The following PDIA5 variants were observed in gnomAD, a reference collection of about 807,000 sequenced individuals.
PDIA5 encodes protein disulfide isomerase family A member 5.
Under a neutral mutation model 77.6 loss-of-function variants are expected in PDIA5, and 58 were observed. The ratio of observed to expected loss-of-function variants is 0.75; its 90% confidence interval spans 0.61 to 0.93. The LOEUF (loss-of-function observed/expected upper bound fraction) is 0.93. Ranked by LOEUF, PDIA5 falls within the 40% of genes least tolerant of loss-of-function variation. PDIA5 has a pLI of 0.00. For missense variants in PDIA5, 630 were observed against 647.7 expected (o/e 0.97, Z 0.30); for synonymous variants, 250 against 252.1 (o/e 0.99, Z 0.08).
intron 13 of PDIA5, among the ~76,000 whole-genome samples, chr3:123,149,870 T>C (rs1262793506): frequency 2.0e-5 from 3 of 152,072 alleles, no homozygotes; most frequent in Non-Finnish European, 4.4e-5. Flanking sequence ...AACGATCATG[T>C]AGGGTCCTAG....
At chr3:123,135,095 C>G (rs1250417195) in intron 11 of PDIA5, among the ~76,000 whole-genome samples, 1 of 152,186 alleles carries the variant, frequency 6.6e-6, no homozygotes, top group Admixed American at 6.5e-5. Flanking sequence ...TGCTGCCACC[C>G]GTGGCACCTT....
chr3:123,155,145 C>A, intron 15 of PDIA5, 104 bp downstream of exon 15: 1 of 801,256 alleles, frequency 1.2e-6, no homozygotes, highest in Non-Finnish European at 2.2e-6. Flanking sequence ...TCTGCTAAGA[C>A]CTGTAAGCAG....
intron 7 of PDIA5, among the ~76,000 whole-genome samples, chr3:123,116,028 C>T (rs565891341): frequency 2.8e-4 from 43 of 152,362 alleles, no homozygotes; most frequent in Admixed American, 1.8e-3. Flanking sequence ...CCTTGTTTTG[C>T]ACCACTGATA....
chr3:123,148,204 T>C (rs1935811513), intron 13 of PDIA5, among the ~76,000 whole-genome samples: 1 of 152,082 alleles, frequency 6.6e-6, no homozygotes, highest in South Asian at 2.1e-4. Context: ...CCCCATAGAC[T>C]TGTCTAGGGA....
chr3:123,094,422 T>C (rs1435453991), intron 3 of PDIA5, among the ~76,000 whole-genome samples: 2 of 152,228 alleles, frequency 1.3e-5, no homozygotes, highest in African/African-American at 4.8e-5. Context: ...TGTAGGCCAC[T>C]CTAGGCGGCA....
intron 1 of PDIA5, among the ~76,000 whole-genome samples, chr3:123,083,875 G>A (rs952375049): frequency 6.6e-6 from 1 of 152,156 alleles, no homozygotes; most frequent in Non-Finnish European, 1.5e-5. Context: ...TGAAGTGGAG[G>A]AGAAAGGAGA....
chr3:123,108,789 G>A (rs1199158897), intron 6 of PDIA5, among the ~76,000 whole-genome samples: 1 of 152,002 alleles, frequency 6.6e-6, no homozygotes, highest in Non-Finnish European at 1.5e-5. Context: ...GGGAGACTGA[G>A]GCAGGAGAAT....
intron 1 of PDIA5, among the ~76,000 whole-genome samples, chr3:123,072,709 C>T (rs1021146131): frequency 6.6e-6 from 1 of 152,174 alleles, no homozygotes; most frequent in African/African-American, 2.4e-5. Flanking sequence ...ATGAAGACAC[C>T]AAACACACTG....
At chr3:123,147,010 C>T (rs1373716069) in intron 13 of PDIA5, among the ~76,000 whole-genome samples, 1 of 152,056 alleles carries the variant, frequency 6.6e-6, no homozygotes, top group Non-Finnish European at 1.5e-5. Flanking sequence ...GGGGTTTCAC[C>T]ATGTTGCCCA....
chr3:123,105,921 A>G (rs1464269250), intron 5 of PDIA5, among the ~76,000 whole-genome samples: 1 of 152,226 alleles, frequency 6.6e-6, no homozygotes, highest in East Asian at 1.9e-4. Context: ...GCCCTGGACC[A>G]GTGAGAGTGG....
intron 8 of PDIA5, among the ~76,000 whole-genome samples, chr3:123,117,374 TTA>T (rs370968904): frequency 0.02 from 1,597 of 79,876 alleles, 139 homozygotes; most frequent in African/African-American, 0.073. Flanking sequence ...TTCTATGATT[TTA>T]TATATATATA....
chr3:123,145,660 A>G, intron 12 of PDIA5, 68 bp downstream of exon 12: 2 of 1,375,620 alleles, frequency 1.5e-6, no homozygotes. Flanking sequence ...AATCATTATG[A>G]CTTTCCCCTG....
chr3:123,152,123 T>TTCCTTCCTG (rs1935928648), intron 14 of PDIA5, among the ~76,000 whole-genome samples: 2 of 91,488 alleles, frequency 2.2e-5, no homozygotes, highest in Non-Finnish European at 4.4e-5. Flanking sequence ...CTTCCTTCCT[T>TTCCTTCCTG]CCTGCCTTCC....
At chr3:123,068,101 T>C (rs1198969234) in intron 1 of PDIA5, among the ~76,000 whole-genome samples, 1 of 152,080 alleles carries the variant, frequency 6.6e-6, no homozygotes, top group African/African-American at 2.4e-5. Flanking sequence ...TGATGAGATA[T>C]TGTGGCCTCC....
intron 13 of PDIA5, among the ~76,000 whole-genome samples, chr3:123,147,509 G>A (rs1004027599): frequency 6.6e-6 from 1 of 152,126 alleles, no homozygotes; most frequent in Non-Finnish European, 1.5e-5. Flanking sequence ...TATTCAGGAA[G>A]TGTGAATGGG....
In PDIA5 at chr3:123,102,325, T is replaced by C. The variant is rs1387029304; in HGVS notation, c.258-86T>C. 1.2e-5 allele frequency: 12 copies of C among 985,706 alleles called. No individual in the cohort carries two copies. The Admixed American group carries it at 2.1e-4, about 17-fold the overall frequency. 61.1% of individuals were successfully genotyped at this position (985,706 alleles called of 1,614,324 possible). A position where few individuals can be genotyped will look rare whatever the true frequency, so the allele number is the denominator to read the frequency against. On this transcript the variant is annotated intron_variant, in intron 3 of 16. Transcript: ENST00000316218. ...TGAGAATTCCAAGTTACCTGACTTA[T>C]TTCTTAGGACACCAGCAGATTTTGC... is the stretch of plus-strand genomic sequence containing the variant.
intron 11 of PDIA5, among the ~76,000 whole-genome samples, chr3:123,135,745 C>CTTTTTTTTTTTTTTT (rs766560888): frequency 1.2e-5 from 1 of 80,468 alleles, no homozygotes; most frequent in Non-Finnish European, 2.2e-5. Context: ...GAGGTAACAA[C>CTTTTTTTTTTTTTTT]TTTTTTTTTT....
rs7626721 is a variant in PDIA5 at position 123,135,526 on chromosome 3, G to A, written c.910+4910G>A. ...CTTTGCCATATCTTGCCTCCAGCATGTATCTGCACTGCCTTCCAGGAGCCG... is the reference window on the plus strand; with the variant it reads ...CTTTGCCATATCTTGCCTCCAGCATATATCTGCACTGCCTTCCAGGAGCCG... On this transcript the variant is annotated intron_variant, in intron 11 of 16. Coordinates refer to ENST00000316218, the MANE Select transcript of PDIA5 (RefSeq NM_006810.4). 3.0e-3 allele frequency among the ~76,000 whole-genome samples: 464 copies of A among 152,280 alleles called. 4 individuals carry two copies. Among genetic ancestry groups the A allele is most frequent in the African/African-American group, 0.01 (422 of 41,542 alleles).
chr3:123,105,966 A>G (rs2247665), intron 5 of PDIA5, among the ~76,000 whole-genome samples: 118,639 of 152,138 alleles, frequency 0.78, 46,323 homozygotes, highest in African/African-American at 0.81. Context: ...GGACAGTGCC[A>G]CTCTTCCCTG....
Sources: gnomAD v4.1 joint callset for allele counts (sites outside exome capture counted in the v4.1 genomes callset) on GRCh38, gnomAD v4.1.1 for gene constraint, MANE v1.5 for transcripts, NCBI Gene and HGNC (gene_info 2026-07-23, HGNC 2026-07-21) for gene names.